Variants in MGAT4A observed in about 807,000 individuals in gnomAD.
MGAT4A encodes the protein N-acetylglucosaminyltransferase IVa.
In MGAT4A, 33 loss-of-function variants were observed where a neutral mutation model predicts 74.1. The observed-to-expected ratio is 0.45, with a 90% CI of 0.34 to 0.60. The LOEUF is 0.60. MGAT4A is among the 20% of genes least tolerant of loss of function. The pLI is 0.02. For missense variants in MGAT4A, 479 were observed against 628.3 expected, an observed-to-expected ratio of 0.76 and a Z score of 2.54; for synonymous variants, 198 against 210.4, an observed-to-expected ratio of 0.94 and a Z score of 0.51.
At chr2:98,709,748 C>T (rs753699668) in intron 2 of MGAT4A, among the ~76,000 whole-genome samples, 1 of 152,232 alleles carries the variant, frequency 6.6e-6, no homozygotes, top group Non-Finnish European at 1.5e-5. Context: ...AGCCTCTCTA[C>T]ACACAAGCTT....
chr2:98,695,165 T>C (rs1702252821), intron 2 of MGAT4A: 1 of 151,854 alleles, frequency 6.6e-6, no homozygotes, highest in Non-Finnish European at 1.5e-5. Flanking sequence ...GCCTCCCGCG[T>C]AGCTGGACTA....
intron 2 of MGAT4A, among the ~76,000 whole-genome samples, chr2:98,706,688 G>A (rs761051402): frequency 6.6e-6 from 1 of 151,286 alleles, no homozygotes; most frequent in East Asian, 1.9e-4. Flanking sequence ...TGCTATCTGT[G>A]TAAATTTTTT....
chr2:98,665,284 G>A (rs564342508), intron 4 of MGAT4A, among the ~76,000 whole-genome samples: 23 of 144,504 alleles, frequency 1.6e-4, no homozygotes, highest in African/African-American at 4.7e-4. Flanking sequence ...AGTCAAGATC[G>A]CGCCACTGCA....
chr2:98,699,023 G>C (rs928937173), intron 2 of MGAT4A, among the ~76,000 whole-genome samples: 1 of 152,178 alleles, frequency 6.6e-6, no homozygotes, highest in Non-Finnish European at 1.5e-5. Flanking sequence ...CCCAGGTTCA[G>C]TGATTCACTT....
At chr2:98,686,048 G>C (rs886197164) in intron 2 of MGAT4A, among the ~76,000 whole-genome samples, 1 of 152,156 alleles carries the variant, frequency 6.6e-6, no homozygotes, top group African/African-American at 2.4e-5. Context: ...CCGTAATCCT[G>C]AAGATTAACT....
chr2:98,730,534 GT>G (rs1559179475), intron 1 of MGAT4A, among the ~76,000 whole-genome samples: 1 of 152,128 alleles, frequency 6.6e-6, no homozygotes. Flanking sequence ...GCCTCGGACC[GT>G]CCGGCCCCGC....
intron 5 of MGAT4A, among the ~76,000 whole-genome samples, chr2:98,661,221 C>A (rs543314521): frequency 6.6e-6 from 1 of 152,284 alleles, no homozygotes; most frequent in South Asian, 2.1e-4. Flanking sequence ...ATCATCACAT[C>A]TGTCAGGATG....
rs1159895307 is a variant in MGAT4A at position 98,625,080 on chromosome 2, T to C, written c.*486A>G. ...AAAAAGTATCGATTCAAAAATCTAC[T>C]GCACAAAAATATGTACTTCTTAAGT... On this transcript the variant is annotated 3_prime_UTR_variant, in exon 16 of 16. Coordinates refer to ENST00000393487, the MANE Select transcript of MGAT4A (RefSeq NM_012214.3). 2.1e-6 allele frequency: 2 copies of C among 970,512 alleles called. No individual in the cohort carries two copies. Among genetic ancestry groups the C allele is most frequent in the Non-Finnish European group, 1.2e-6 (1 of 816,302 alleles). 60.1% of individuals were successfully genotyped at this position (970,512 alleles called of 1,614,324 possible).
intron 2 of MGAT4A, among the ~76,000 whole-genome samples, chr2:98,705,334 C>G (rs1559173388): frequency 6.6e-6 from 1 of 152,146 alleles, no homozygotes; most frequent in Non-Finnish European, 1.5e-5. Flanking sequence ...GCTTCATTCA[C>G]CAGCATGCCT....
intron 2 of MGAT4A, among the ~76,000 whole-genome samples, chr2:98,703,958 C>T (rs1010280353): frequency 1.3e-5 from 2 of 152,162 alleles, no homozygotes; most frequent in Admixed American, 1.3e-4. Context: ...TTGTCATCGC[C>T]TTAGCTTGTT....
intron 9 of MGAT4A, among the ~76,000 whole-genome samples, chr2:98,644,508 T>C (rs940513939): frequency 6.6e-6 from 1 of 152,232 alleles, no homozygotes; most frequent in Middle Eastern, 3.2e-3. Context: ...AGTTAAATGA[T>C]CAAGATTGTC....
chr2:98,640,028 A>C (rs1361977378), intron 11 of MGAT4A, 27 bp from the exon 12 acceptor site: 2 of 1,582,808 alleles, frequency 1.3e-6, no homozygotes, highest in Non-Finnish European at 1.7e-6. Context: ...ATATGCTATT[A>C]AATAATACAC....
In MGAT4A at chr2:98,627,636, A is replaced by G. The variant is rs542704199; in HGVS notation, c.1469-1801T>C. Among the ~76,000 whole-genome samples the G allele has an allele frequency of 2.6e-5, 4 of 152,328 alleles. No individual in the cohort carries two copies. The East Asian group carries it at 7.7e-4, about 29-fold the overall frequency. ...AGTGATCCACCTGCCTCGGCCTCCC[A>G]AAGTGCTGGGCTCACAAGCGTGAGC... On this transcript the variant is annotated intron_variant, in intron 14 of 15. Coordinates refer to ENST00000393487, the MANE Select transcript of MGAT4A (RefSeq NM_012214.3).
At chr2:98,689,036 A>G (rs1391810121) in intron 2 of MGAT4A, among the ~76,000 whole-genome samples, 1 of 152,202 alleles carries the variant, frequency 6.6e-6, no homozygotes, top group Non-Finnish European at 1.5e-5. Flanking sequence ...GCTAAAAAAA[A>G]CTAAATAAAA....
chr2:98,682,865 C>G (rs1030950633), intron 2 of MGAT4A, among the ~76,000 whole-genome samples: 1 of 152,014 alleles, frequency 6.6e-6, no homozygotes, highest in African/African-American at 2.4e-5. Flanking sequence ...GCGGGTGGAT[C>G]ACAAGGTCAG....
At chr2:98,680,811 T>C (rs1218786692) in intron 2 of MGAT4A, among the ~76,000 whole-genome samples, 1 of 152,174 alleles carries the variant, frequency 6.6e-6, no homozygotes, top group Non-Finnish European at 1.5e-5. Context: ...ATTAAACAAT[T>C]ATAAGAAGAG....
chr2:98,729,127 A>G (rs1407822168), intron 1 of MGAT4A, among the ~76,000 whole-genome samples: 1 of 152,020 alleles, frequency 6.6e-6, no homozygotes, highest in African/African-American at 2.4e-5. Context: ...AATGAACTCT[A>G]AAACCAAAGT....
intron 2 of MGAT4A, among the ~76,000 whole-genome samples, chr2:98,701,305 C>A (rs1702352633): frequency 6.6e-6 from 1 of 152,190 alleles, no homozygotes; most frequent in African/African-American, 2.4e-5. Flanking sequence ...TTGTCCACTA[C>A]TGGTTTCAGA....
intron 3 of MGAT4A, among the ~76,000 whole-genome samples, chr2:98,677,217 A>C (rs3769690): frequency 0.033 from 5,065 of 152,314 alleles, 206 homozygotes; most frequent in East Asian, 0.19. Context: ...AGATACTCCT[A>C]AAGTATCCAC....
Sources: allele counts gnomAD v4.1 joint callset (sites outside exome capture counted in the v4.1 genomes callset), GRCh38; gene constraint gnomAD v4.1.1; transcripts MANE v1.5; gene names NCBI Gene and HGNC (gene_info 2026-07-23, HGNC 2026-07-21).